Variants in PIK3R5 observed in about 807,000 individuals in gnomAD.
PIK3R5 encodes the protein phosphoinositide 3-kinase regulatory subunit 5.
A neutral mutation model predicts 94.9 loss-of-function variants in PIK3R5; 32 were observed. The observed-to-expected ratio is 0.34, with a 90% CI of 0.25 to 0.45. The LOEUF is 0.45. Among genes scored for constraint, PIK3R5 ranks in the 20% least tolerant of loss-of-function variants. PIK3R5 has a pLI of 1.00. For missense variants in PIK3R5, 853 were observed against 1,144.6 expected (o/e 0.75, Z 3.68); for synonymous variants, 443 against 479.4 (o/e 0.92, Z 0.99).
chr17:8,887,006 C>T (rs2089875561), intron 12 of PIK3R5, 90 bp downstream of exon 12: 6 of 1,503,828 alleles, frequency 4.0e-6, no homozygotes, highest in Non-Finnish European at 5.4e-6. Flanking sequence ...ATGGGGGCCT[C>T]AAGCCTGATT....
rs756205390 is a variant in PIK3R5, at chr17:8,881,909, T to G, written c.2206-28A>C. 2.5e-6 allele frequency: 4 copies of G among 1,580,452 alleles called. No homozygotes were observed. The Admixed American group carries it at 6.8e-5, about 27-fold the overall frequency. ...GGAAATGCAGTGTAGCCAGACCCTC[T>G]GAGTCCAGAGGCCCCGGTGCCTGCT... On this transcript the variant is annotated intron_variant, in intron 15 of 18. Coordinates refer to ENST00000447110, the MANE Select transcript of PIK3R5 (RefSeq NM_001142633.3). This position sits in a 1 kb window ranked among gnomAD's most constrained non-coding sequence, Gnocchi z 4.8.
intron 1 of PIK3R5, among the ~76,000 whole-genome samples, chr17:8,939,773 G>A (rs952059137): frequency 2.0e-5 from 3 of 152,198 alleles, no homozygotes; most frequent in African/African-American, 7.2e-5. Context: ...AAGCTGTGCA[G>A]CCAAGAGGAA....
chr17:8,890,795 G>A lies in PIK3R5; in HGVS notation c.600C>T (p.Ala200=), dbSNP rs1320164656. 6.2e-7 allele frequency: 1 copy of A among 1,613,040 alleles called. No individual in the cohort carries two copies. Among genetic ancestry groups the A allele is most frequent in the South Asian group, 1.1e-5 (1 of 90,800 alleles). ...AGTGGGCCCCAAAGGTGGCCTGGAA[G>A]GCGTGCAGGAGCAGGGTGGTGTAGG... ...HSAYTTLLLH[A]FQATFGAHCD... The change falls in exon 7 of 19, where the codon GCC becomes GCT. Residue 200 remains alanine (A), a synonymous_variant. Transcript: ENST00000447110. The surrounding 1 kb of genome is among the most constrained non-coding windows in gnomAD (Gnocchi z 6.1).
chr17:8,956,418 C>T (rs150953404), intron 1 of PIK3R5, among the ~76,000 whole-genome samples: 1 of 152,248 alleles, frequency 6.6e-6, no homozygotes, highest in Non-Finnish European at 1.5e-5. Flanking sequence ...CCTCTCTGCT[C>T]AGCCCATCAG....
At chr17:8,952,011 C>G (rs79941208) in intron 1 of PIK3R5, among the ~76,000 whole-genome samples, 1 of 152,204 alleles carries the variant, frequency 6.6e-6, no homozygotes, top group African/African-American at 2.4e-5. Flanking sequence ...TTCCCCCTTT[C>G]CCCTTCTTGC....
intron 5 of PIK3R5, among the ~76,000 whole-genome samples, chr17:8,902,301 G>C (rs1351894737): frequency 2.9e-5 from 4 of 140,244 alleles, no homozygotes; most frequent in African/African-American, 8.0e-5. Context: ...TTGTCTGCAG[G>C]CTGGAGTGCA....
At chr17:8,920,982 C>G (rs2090732335) in intron 1 of PIK3R5, among the ~76,000 whole-genome samples, 1 of 151,856 alleles carries the variant, frequency 6.6e-6, no homozygotes, top group African/African-American at 2.4e-5. Flanking sequence ...GCTGGGATTA[C>G]AGGCATGCAT....
Position 8,888,757 on chromosome 17 carries a change from C to G in PIK3R5, c.1030G>C (p.Asp344His). ...LETDGHCAER[D>H]SLLSTSSLAS... ...AAAGAGCTGGTGGAGAGCAGGGAATCTCTCTCGGCACAGTGCCCGTCAGTT... is the reference window on the plus strand; with the variant it reads ...AAAGAGCTGGTGGAGAGCAGGGAATGTCTCTCGGCACAGTGCCCGTCAGTT... The change falls in exon 10 of 19, where the codon GAT becomes CAT. Residue 344 changes from aspartate (D) to histidine (H), a missense_variant. Around this residue, in one of 6 missense-constraint regions of PIK3R5, gnomAD observed 161 missense variants for 249.5 expected, o/e 0.65. Transcript: ENST00000447110. This position sits in a 1 kb window ranked among gnomAD's most constrained non-coding sequence, Gnocchi z 7.8. 1 of 1,613,464 alleles carries G rather than the reference C, an allele frequency of 6.2e-7. No individual in the cohort carries two copies.
rs1415307687 is a variant in PIK3R5, at chr17:8,899,000, C to T, written c.413-5345G>A. 3.3e-5 allele frequency among the ~76,000 whole-genome samples: 5 copies of T among 152,318 alleles called. No homozygotes were observed. The South Asian group carries it at 1.0e-3, about 32-fold the overall frequency. On this transcript the variant is annotated intron_variant, in intron 5 of 18. Coordinates refer to ENST00000447110, the MANE Select transcript of PIK3R5 (RefSeq NM_001142633.3). ...GCTTTGAAAATTGCAGAGCGGTTTG[C>T]ATGTAAGATGCCCCATGTCATCCCC...
chr17:8,933,445 C>G (rs1358618601), intron 1 of PIK3R5, among the ~76,000 whole-genome samples: 1 of 152,044 alleles, frequency 6.6e-6, no homozygotes, highest in Admixed American at 6.5e-5. Context: ...ACTAAAAATG[C>G]TTTTTAAAAA....
At chr17:8,920,451 G>A (rs9895992) in intron 1 of PIK3R5, among the ~76,000 whole-genome samples, 67,892 of 151,916 alleles carry the variant, frequency 0.45, 15,433 homozygotes, top group African/African-American at 0.53. Context: ...CAGATCAGAC[G>A]GCAGTAAATC....
chr17:8,923,904 C>G (rs1018209463), intron 1 of PIK3R5, among the ~76,000 whole-genome samples: 37 of 131,162 alleles, frequency 2.8e-4, no homozygotes, highest in Non-Finnish European at 5.3e-4. Context: ...CCCCTCCCCT[C>G]CCCTTCCCTT....
rs1050146861 is a variant in PIK3R5 at position 8,909,766 on chromosome 17, G to C, written c.104-592C>G. Among the ~76,000 whole-genome samples, 4 of 152,200 alleles carry C rather than the reference G, an allele frequency of 2.6e-5. No individual in the cohort carries two copies. Among genetic ancestry groups the C allele is most frequent in the Admixed American group, 6.5e-5 (1 of 15,280 alleles). ...AGGACAATGAGCTCACTATGACTCCGCTCCCTGTGGAAGCACCAGTTCTCC... is the reference window on the plus strand; with the variant it reads ...AGGACAATGAGCTCACTATGACTCCCCTCCCTGTGGAAGCACCAGTTCTCC... On this transcript the variant is annotated intron_variant, in intron 2 of 18. Coordinates refer to ENST00000447110, the MANE Select transcript of PIK3R5 (RefSeq NM_001142633.3). This position sits in a 1 kb window ranked among gnomAD's most constrained non-coding sequence, Gnocchi z 4.3.
chr17:8,949,476 G>A (rs76358036), intron 1 of PIK3R5, among the ~76,000 whole-genome samples: 4,334 of 152,272 alleles, frequency 0.028, 86 homozygotes, highest in Non-Finnish European at 0.044. Flanking sequence ...AGCTGCTACC[G>A]ATTATCTTTG....
chr17:8,939,288 G>A (rs2091132179), intron 1 of PIK3R5, among the ~76,000 whole-genome samples: 1 of 152,216 alleles, frequency 6.6e-6, no homozygotes, highest in Non-Finnish European at 1.5e-5. Context: ...TGCTCCAGCA[G>A]TAGGAATTCC....
At chr17:8,917,798 G>A (rs1017689659) in intron 1 of PIK3R5, among the ~76,000 whole-genome samples, 2 of 152,092 alleles carry the variant, frequency 1.3e-5, no homozygotes, top group African/African-American at 4.8e-5. Context: ...CCCAGGAGGC[G>A]GAGGTTGCAG....
rs1024290189 is a variant in PIK3R5 at position 8,893,593 on chromosome 17, A to G, written c.475T>C (p.Ser159Pro). The change falls in exon 6 of 19, where the codon TCC (serine) becomes CCC (proline). Residue 159 changes from serine to proline, a missense_variant. Physicochemically the swap from Ser to Pro is moderately conservative, Grantham distance 74. Around this residue, in one of 6 missense-constraint regions of PIK3R5, gnomAD observed 161 missense variants for 249.5 expected, o/e 0.65. Coordinates refer to ENST00000447110, the MANE Select transcript of PIK3R5 (RefSeq NM_001142633.3). The surrounding 1 kb of genome is among the most constrained non-coding windows in gnomAD (Gnocchi z 5.1). ...QGLPIRSHRS[S>P]TVTVLLLNPV... ...TCCCCCAAGAGCACTCACACGGTGG[A>G]GCTGCGGTGACTCCTGATGGGCAGG... 1 of 1,613,380 alleles carries G rather than the reference A, an allele frequency of 6.2e-7. No individual in the cohort carries two copies. Among genetic ancestry groups the G allele is most frequent in the Non-Finnish European group, 8.5e-7 (1 of 1,179,480 alleles).
rs764422591 is a variant in PIK3R5, at chr17:8,909,122, C to T, written c.156G>A (p.Pro52=). The T allele has an allele frequency of 2.7e-5, 44 of 1,609,296 alleles. No homozygotes were observed. Among genetic ancestry groups the T allele is most frequent in the Middle Eastern group, 1.6e-4 (1 of 6,078 alleles). The part of the protein sequence containing the change: ...WSLQELVSRD[P]GHFLILLEQI... ...GCTCAAGGAGGATAAGGAAGTGGCCCGGGTCCCTGCTGACCAGCTCCTGCA... is the reference window on the plus strand; with the variant it reads ...GCTCAAGGAGGATAAGGAAGTGGCCTGGGTCCCTGCTGACCAGCTCCTGCA... The change falls in exon 3 of 19, where the codon CCG becomes CCA. Residue 52 remains proline (P), a synonymous_variant. Coordinates refer to ENST00000447110, the MANE Select transcript of PIK3R5 (RefSeq NM_001142633.3). This position sits in a 1 kb window ranked among gnomAD's most constrained non-coding sequence, Gnocchi z 4.3.
intron 1 of PIK3R5, among the ~76,000 whole-genome samples, chr17:8,956,913 A>G (rs1303654918): frequency 6.6e-6 from 1 of 152,188 alleles, no homozygotes; most frequent in Non-Finnish European, 1.5e-5. Context: ...AGAAAAGCCC[A>G]TGCTCCCAGC....
Sources: gnomAD v4.1 joint callset for allele counts (sites outside exome capture counted in the v4.1 genomes callset) on GRCh38, gnomAD v4.1.1 for gene constraint, gnomAD v4.1.1 regional missense constraint, Gnocchi (gnomAD v3.1) non-coding constraint, MANE v1.5 for transcripts, NCBI Gene and HGNC (gene_info 2026-07-23, HGNC 2026-07-21) for gene names.